The following INTS9 variants were observed in gnomAD, a reference collection of about 807,000 sequenced individuals.
INTS9 encodes the protein integrator complex subunit 9.
A neutral mutation model predicts 79.7 loss-of-function variants in INTS9; 55 were observed. The observed-to-expected ratio is 0.69, with a 90% CI of 0.56 to 0.86. INTS9 has a LOEUF of 0.86. Ranked by LOEUF, INTS9 falls within the 40% of genes least tolerant of loss-of-function variation. INTS9 has a pLI of 0.00. For synonymous variants in INTS9, 319 were observed against 325.2 expected (o/e 0.98, Z 0.20); for missense variants, 721 against 831.5 (o/e 0.87, Z 1.64).
chr8:28,857,227 C>T (rs992392029), intron 2 of INTS9, among the ~76,000 whole-genome samples: 1 of 152,060 alleles, frequency 6.6e-6, no homozygotes, highest in Non-Finnish European at 1.5e-5. Context: ...CAATGAACAC[C>T]GAAGATGTCA....
chr8:28,858,353 T>C (rs1808283938), intron 2 of INTS9, among the ~76,000 whole-genome samples: 1 of 152,258 alleles, frequency 6.6e-6, no homozygotes, highest in East Asian at 1.9e-4. Flanking sequence ...TCCAGAACAG[T>C]GCAGATTTTT....
intron 6 of INTS9, 49 bp from the exon 7 acceptor site, chr8:28,813,661 T>C (rs1469370311): frequency 6.3e-7 from 1 of 1,598,914 alleles, no homozygotes; most frequent in East Asian, 2.2e-5. Context: ...TTCTTCATGT[T>C]CTACAGCATT....
At chr8:28,784,716 T>C (rs557621150) in intron 11 of INTS9, among the ~76,000 whole-genome samples, 19 of 152,278 alleles carry the variant, frequency 1.2e-4, no homozygotes, top group Admixed American at 1.2e-3. Context: ...GTTATAAATA[T>C]GACAATCAAA....
chr8:28,881,781 G>A (rs1204014226), intron 1 of INTS9, among the ~76,000 whole-genome samples: 9 of 145,554 alleles, frequency 6.2e-5, no homozygotes, highest in African/African-American at 1.0e-4. Flanking sequence ...CCCCTACTGG[G>A]AAGTGAGGAG....
chr8:28,876,506 T>C (rs1809396668), intron 1 of INTS9, among the ~76,000 whole-genome samples: 1 of 152,196 alleles, frequency 6.6e-6, no homozygotes, highest in Non-Finnish European at 1.5e-5. Flanking sequence ...AGCAGTCAGC[T>C]ACAGCACGTA....
intron 1 of INTS9, among the ~76,000 whole-genome samples, chr8:28,884,806 G>C (rs1257831717): frequency 6.6e-6 from 1 of 152,164 alleles, no homozygotes; most frequent in Non-Finnish European, 1.5e-5. Context: ...TTAACAATTT[G>C]TACTGCAATA....
chr8:28,772,195 G>C (rs1802587306), intron 14 of INTS9, among the ~76,000 whole-genome samples: 1 of 152,132 alleles, frequency 6.6e-6, no homozygotes, highest in South Asian at 2.1e-4. Flanking sequence ...ACTGTAGCAA[G>C]TTGGATTGAG....
At chr8:28,821,621 A>G (rs1805835175) in intron 6 of INTS9, among the ~76,000 whole-genome samples, 1 of 152,118 alleles carries the variant, frequency 6.6e-6, no homozygotes, top group Non-Finnish European at 1.5e-5. Flanking sequence ...AGTATTTCAG[A>G]GGGGGCTGTG....
At chr8:28,817,767 C>G (rs373299590) in intron 6 of INTS9, among the ~76,000 whole-genome samples, 1 of 119,958 alleles carries the variant, frequency 8.3e-6, no homozygotes, top group Non-Finnish European at 1.8e-5. Flanking sequence ...TTTAACGATA[C>G]TGATTCTTCC....
intron 4 of INTS9, among the ~76,000 whole-genome samples, chr8:28,838,197 C>G (rs1806927866): frequency 6.6e-6 from 1 of 151,954 alleles, no homozygotes; most frequent in Non-Finnish European, 1.5e-5. Flanking sequence ...GGACGCAGCA[C>G]ACAGAAACCA....
chr8:28,783,562 G>C (rs145918882), intron 11 of INTS9: 1 of 152,326 alleles, frequency 6.6e-6, no homozygotes, highest in East Asian at 1.9e-4. Context: ...TAAGAGTGGG[G>C]ATGTGGCCAG....
chr8:28,837,891 G>A (rs2131190204), intron 4 of INTS9, 115 bp from the exon 5 acceptor site: 1 of 1,006,962 alleles, frequency 9.9e-7, no homozygotes, highest in Admixed American at 2.2e-5. Context: ...GCAGAATAAT[G>A]ATGGCTTTCC....
intron 6 of INTS9, among the ~76,000 whole-genome samples, chr8:28,830,534 GA>G (rs1480482365): frequency 6.6e-6 from 1 of 150,962 alleles, no homozygotes; most frequent in Non-Finnish European, 1.5e-5. Flanking sequence ...TGATACGGGA[GA>G]ATCGCTTGAA....
In INTS9 at chr8:28,832,464, CCT is replaced by C. The variant is rs141881810; in HGVS notation, c.488+2826_488+2827del. 5.9e-3 allele frequency among the ~76,000 whole-genome samples: 896 copies of C among 152,318 alleles called. 6 individuals are homozygous for C. The highest frequency in any genetic ancestry group is 0.021 in the African/African-American group (865 of 41,566). On this transcript the variant is annotated intron_variant, in intron 6 of 16. Coordinates refer to ENST00000521022, the MANE Select transcript of INTS9 (RefSeq NM_018250.4). ...CACAGATAAGCCTACTTCCTCGTCC[CCT>C]GACACAAGAAGCGGCTGACACGCAC...
chr8:28,862,035 C>T (rs530116505), intron 1 of INTS9: 1 of 978,940 alleles, frequency 1.0e-6, no homozygotes, highest in African/African-American at 1.7e-5. Flanking sequence ...AACTGCACTG[C>T]TCACCGTGGG....
intron 4 of INTS9, 55 bp from the exon 5 acceptor site, chr8:28,837,831 T>C (rs189323865): frequency 6.6e-7 from 1 of 1,520,924 alleles, no homozygotes; most frequent in Admixed American, 1.9e-5. Context: ...ATCAATATGA[T>C]GTGACTAAAA....
intron 2 of INTS9, among the ~76,000 whole-genome samples, chr8:28,851,830 A>G (rs749220074): frequency 4.6e-5 from 7 of 152,298 alleles, no homozygotes; most frequent in African/African-American, 7.2e-5. Context: ...TGTGAATACA[A>G]TGGACTCCCA....
intron 4 of INTS9, 100 bp from the exon 5 acceptor site, chr8:28,837,876 G>A: frequency 8.6e-7 from 1 of 1,157,490 alleles, no homozygotes; most frequent in South Asian, 1.5e-5. Flanking sequence ...AGTAGTTTTT[G>A]TATTGCAGAA....
intron 1 of INTS9, among the ~76,000 whole-genome samples, chr8:28,870,907 A>G (rs1260921602): frequency 6.6e-6 from 1 of 152,200 alleles, no homozygotes; most frequent in Non-Finnish European, 1.5e-5. Context: ...GGTGGGGAGA[A>G]GTTTACACCC....
Sources: allele counts gnomAD v4.1 joint callset (sites outside exome capture counted in the v4.1 genomes callset), GRCh38; gene constraint gnomAD v4.1.1; transcripts MANE v1.5; gene names NCBI Gene and HGNC (gene_info 2026-07-23, HGNC 2026-07-21).